RPIA: variants seen among roughly 807,000 people sequenced by gnomAD.
RPIA encodes ribose-5-phosphate isomerase.
In RPIA, 29 loss-of-function variants were observed where a neutral mutation model predicts 37.8. The observed-to-expected ratio is 0.77, with a 90% CI of 0.57 to 1.05. RPIA has a LOEUF of 1.05. Ranked by LOEUF, RPIA falls within the 50% of genes least tolerant of loss-of-function variation. The pLI, the probability that RPIA is intolerant of heterozygous loss-of-function variation, is 0.00. For missense variants in RPIA, 385 were observed against 413.6 expected (o/e 0.93, Z 0.60); for synonymous variants, 167 against 157.0 (o/e 1.06, Z -0.48).
Position 88,740,077 on chromosome 2 carries a change from C to T in RPIA, c.838+2001C>T, listed in dbSNP as rs563278605. On this transcript the variant is annotated intron_variant, in intron 8 of 8. Coordinates refer to ENST00000283646, the MANE Select transcript of RPIA (RefSeq NM_144563.3). ...TAGGAGGAAGAGAAGATTTGCAAAT[C>T]ACTGTTAGTAAAATGGGAGAACTTG... Among the ~76,000 whole-genome samples the T allele has an allele frequency of 5.8e-4, 88 of 152,282 alleles. No homozygotes were observed. In the Middle Eastern group the frequency reaches 0.014, roughly 24 times the overall value.
intron 1 of RPIA, among the ~76,000 whole-genome samples, chr2:88,692,765 C>T (rs974232495): frequency 2.1e-4 from 32 of 152,258 alleles, no homozygotes; most frequent in African/African-American, 7.5e-4. Flanking sequence ...GGCTTTTTAT[C>T]TCTCGTTTCT....
intron 8 of RPIA, among the ~76,000 whole-genome samples, chr2:88,745,035 G>A (rs1237341881): frequency 6.6e-6 from 1 of 152,102 alleles, no homozygotes; most frequent in Non-Finnish European, 1.5e-5. Context: ...TTGGCTCACT[G>A]CAACCTTCAC....
At chr2:88,697,424 A>G in intron 1 of RPIA, among the ~76,000 whole-genome samples, 1 of 152,268 alleles carries the variant, frequency 6.6e-6, no homozygotes, top group African/African-American at 2.4e-5. Context: ...TTGCAAAGGC[A>G]GGAGATAGAT....
At chr2:88,736,496 T>G (rs747281280) in intron 6 of RPIA, 39 bp from the exon 7 acceptor site, 2 of 1,612,854 alleles carry the variant, frequency 1.2e-6, no homozygotes, top group Admixed American at 1.7e-5. Flanking sequence ...CTGTTGAGCT[T>G]ATTTACTTTT....
intron 3 of RPIA, among the ~76,000 whole-genome samples, chr2:88,723,503 G>A (rs546046610): frequency 6.6e-6 from 1 of 152,236 alleles, no homozygotes; most frequent in East Asian, 1.9e-4. Context: ...TTTAGATTTT[G>A]ACCAGATTTG....
chr2:88,691,991 C>T lies in RPIA; in HGVS notation c.285+8C>T, dbSNP rs1676941902. On this transcript the variant is annotated splice_region_variant and intron_variant, in intron 1 of 8. Coordinates refer to ENST00000283646, the MANE Select transcript of RPIA (RefSeq NM_144563.3). ...GTGGAGAACCACGTGAGGGTGAGCA[C>T]TTCGAAACGTGGGGCGCGGGGCGCA... 2 of 1,581,578 alleles carry T rather than the reference C, an allele frequency of 1.3e-6. No homozygotes were observed. Among genetic ancestry groups the T allele is most frequent in the East Asian group, 2.3e-5 (1 of 43,372 alleles).
Position 88,750,357 on chromosome 2 carries a change from C to CAAA in RPIA, c.*289_*291dup. 1.5e-5 allele frequency: 5 copies of CAAA among 323,854 alleles called. No homozygotes were observed. The highest frequency in any genetic ancestry group is 7.8e-5 in the South Asian group (1 of 12,848). The allele number at this position is 323,854 out of a possible 1,614,324, so 20.1% of individuals were successfully genotyped here. ...TTCATGTTTTATATGAAATATTTAC[C>CAAA]AAAAAAAAAAAATGAGGTAAACTGT... is the stretch of plus-strand genomic sequence containing the variant. On this transcript the variant is annotated 3_prime_UTR_variant, in exon 9 of 9. Coordinates refer to ENST00000283646, the MANE Select transcript of RPIA (RefSeq NM_144563.3).
intron 1 of RPIA, among the ~76,000 whole-genome samples, chr2:88,694,339 C>G (rs1236668354): frequency 6.6e-6 from 1 of 152,150 alleles, no homozygotes; most frequent in Admixed American, 6.5e-5. Flanking sequence ...AAAGAACGAG[C>G]CTTATACAGA....
At chr2:88,724,964 TG>T (rs2104117538) in intron 3 of RPIA, among the ~76,000 whole-genome samples, 1 of 152,274 alleles carries the variant, frequency 6.6e-6, no homozygotes, top group African/African-American at 2.4e-5. Flanking sequence ...TATTGTAAAA[TG>T]AAGGGAAAAC....
At chr2:88,738,961 A>G (rs1673350595) in intron 8 of RPIA, among the ~76,000 whole-genome samples, 1 of 152,166 alleles carries the variant, frequency 6.6e-6, no homozygotes, top group Non-Finnish European at 1.5e-5. Flanking sequence ...TGAAATGAAC[A>G]TTTAGAGCCT....
At chr2:88,726,220 C>T (rs991979628) in intron 3 of RPIA, among the ~76,000 whole-genome samples, 41 of 151,972 alleles carry the variant, frequency 2.7e-4, no homozygotes, top group Non-Finnish European at 5.3e-4. Context: ...CTGGGGTGGG[C>T]GGCTGGTGGT....
At chr2:88,701,478 A>G (rs1161831085) in intron 3 of RPIA, among the ~76,000 whole-genome samples, 3 of 152,120 alleles carry the variant, frequency 2.0e-5, no homozygotes, top group Non-Finnish European at 4.4e-5. Flanking sequence ...CTTTTTATTT[A>G]AAAGAAAAAA....
chr2:88,720,111 T>C (rs1229446989), intron 3 of RPIA, among the ~76,000 whole-genome samples: 1 of 152,130 alleles, frequency 6.6e-6, no homozygotes, highest in Non-Finnish European at 1.5e-5. Flanking sequence ...TTACTGTCAG[T>C]ATTTAAGATT....
Position 88,691,974 on chromosome 2 carries a change from C to A in RPIA, c.276C>A (p.Asn92Lys). 1.9e-6 allele frequency: 3 copies of A among 1,588,626 alleles called. No homozygotes were observed. Among genetic ancestry groups the A allele is most frequent in the Middle Eastern group, 1.7e-4 (1 of 6,026 alleles). Residue 92 changes from asparagine to lysine, a missense_variant, in exon 1 of 9, where the codon AAC (asparagine) becomes AAA (lysine). Physicochemically the swap from Asn to Lys is moderately conservative, Grantham distance 94. Transcript: ENST00000283646. ...KKLAGRAAVE[N>K]HVRNNQVLGI... is the part of the protein sequence containing the mutation. The stretch of plus-strand genomic sequence containing the variant: ...TGGCGGGCCGCGCGGCTGTGGAGAA[C>A]CACGTGAGGGTGAGCACTTCGAAAC...
intron 8 of RPIA, among the ~76,000 whole-genome samples, chr2:88,748,066 G>C (rs182974936): frequency 3.3e-5 from 5 of 152,140 alleles, no homozygotes; most frequent in Non-Finnish European, 5.9e-5. Flanking sequence ...TTAAACAGTG[G>C]CAAGTCCTCT....
chr2:88,723,258 A>G (rs1227601764), intron 3 of RPIA, among the ~76,000 whole-genome samples: 3 of 152,132 alleles, frequency 2.0e-5, no homozygotes, highest in African/African-American at 7.2e-5. Flanking sequence ...CAATTCAACT[A>G]CTTACCTAGG....
chr2:88,714,867 A>G (rs12328365), intron 3 of RPIA, among the ~76,000 whole-genome samples: 5,964 of 152,258 alleles, frequency 0.039, 394 homozygotes, highest in African/African-American at 0.14. Context: ...GCTCACTGAT[A>G]GGGTACCCTT....
chr2:88,693,329 C>T (rs1399758665), intron 1 of RPIA, among the ~76,000 whole-genome samples: 1 of 152,130 alleles, frequency 6.6e-6, no homozygotes, highest in Non-Finnish European at 1.5e-5. Flanking sequence ...AGGCTAGAGC[C>T]CCAAAACACT....
intron 8 of RPIA, among the ~76,000 whole-genome samples, chr2:88,746,892 C>T (rs958703328): frequency 3.3e-5 from 5 of 151,952 alleles, no homozygotes; most frequent in African/African-American, 9.7e-5. Context: ...TGGCCTTCAG[C>T]GAGGAGGTGG....
Sources: gnomAD v4.1 joint callset for allele counts (sites outside exome capture counted in the v4.1 genomes callset) on GRCh38, gnomAD v4.1.1 for gene constraint, MANE v1.5 for transcripts, NCBI Gene and HGNC (gene_info 2026-07-23, HGNC 2026-07-21) for gene names.